The following GDPD4 variants were observed in gnomAD, a reference collection of about 807,000 sequenced individuals.
GDPD4 encodes the protein glycerophosphodiester phosphodiesterase domain containing 4.
A neutral mutation model predicts 67.8 loss-of-function variants in GDPD4; 60 were observed. That is an observed-to-expected ratio of 0.88 (90% CI 0.72 to 1.10). GDPD4 has a LOEUF of 1.10. Ranked by LOEUF, GDPD4 falls within the 50% of genes least tolerant of loss-of-function variation. The pLI is 0.00. For synonymous variants in GDPD4, 212 were observed against 210.9 expected (o/e 1.00, Z -0.04); for missense variants, 623 against 613.9 (o/e 1.01, Z -0.16).
intron 1 of GDPD4, among the ~76,000 whole-genome samples, chr11:77,289,574 A>G (rs928672735): frequency 4.0e-5 from 6 of 151,482 alleles, no homozygotes; most frequent in African/African-American, 1.5e-4. Context: ...TACTAAAAAT[A>G]TAAAAAATTA....
intron 5 of GDPD4, among the ~76,000 whole-genome samples, chr11:77,275,294 A>T (rs529364556): frequency 1.3e-5 from 2 of 152,216 alleles, no homozygotes; most frequent in Non-Finnish European, 2.9e-5. Context: ...CAAAACAAGG[A>T]TGCTATATTG....
At chr11:77,297,627 C>T (rs1480899839) in intron 1 of GDPD4, among the ~76,000 whole-genome samples, 1 of 151,876 alleles carries the variant, frequency 6.6e-6, no homozygotes, top group Non-Finnish European at 1.5e-5. Flanking sequence ...CAACTTTAGG[C>T]AAGTTATGTA....
chr11:77,226,144 CTTTTATCTAGG>C (rs985827001), intron 16 of GDPD4, among the ~76,000 whole-genome samples: 1 of 152,158 alleles, frequency 6.6e-6, no homozygotes, highest in African/African-American at 2.4e-5. Flanking sequence ...TAAGCCACCT[CTTTTATCTAGG>C]TTTATATAGT....
chr11:77,265,649 T>C (rs1366843932), intron 10 of GDPD4, among the ~76,000 whole-genome samples: 2 of 152,214 alleles, frequency 1.3e-5, no homozygotes, highest in African/African-American at 4.8e-5. Flanking sequence ...TCATTCGTTT[T>C]ACATGAACTT....
intron 1 of GDPD4, among the ~76,000 whole-genome samples, chr11:77,292,536 A>G (rs1307307978): frequency 2.0e-5 from 3 of 152,214 alleles, no homozygotes; most frequent in Non-Finnish European, 4.4e-5. Context: ...CTCAATTTCC[A>G]TCTTTAGACA....
intron 1 of GDPD4, among the ~76,000 whole-genome samples, chr11:77,294,943 C>T (rs1363886932): frequency 6.7e-6 from 1 of 149,732 alleles, no homozygotes; most frequent in Non-Finnish European, 1.5e-5. Flanking sequence ...TAAAATGAAC[C>T]TCAATCTACA....
rs1264158020 is a variant in GDPD4, at chr11:77,268,338, T to G, written c.707+119A>C. On this transcript the variant is annotated intron_variant, in intron 10 of 16. Transcript: ENST00000315938. ...GTGTAGTACATGCATATATGCCATA[T>G]GAACACAGGAACAACTCCCCAGGGC... 6 of 704,104 alleles carry G rather than the reference T, an allele frequency of 8.5e-6. No individual in the cohort carries two copies. In the Admixed American group the frequency reaches 1.3e-4, roughly 15 times the overall value. The allele number at this position is 704,104 out of a possible 1,614,324, so 43.6% of individuals were successfully genotyped here.
intron 3 of GDPD4, 69 bp from the exon 4 acceptor site, chr11:77,279,468 A>C (rs780781719): frequency 7.9e-6 from 7 of 882,776 alleles, no homozygotes; most frequent in African/African-American, 1.7e-5. Flanking sequence ...AAGGATGGGG[A>C]CAAAACCAGA....
intron 7 of GDPD4, among the ~76,000 whole-genome samples, chr11:77,270,354 T>C (rs958669619): frequency 2.0e-5 from 3 of 152,228 alleles, no homozygotes; most frequent in African/African-American, 7.2e-5. Flanking sequence ...AGGTATGACA[T>C]GGTCTCACAG....
At chr11:77,248,229 G>A (rs1048158657) in intron 11 of GDPD4, among the ~76,000 whole-genome samples, 3 of 146,978 alleles carry the variant, frequency 2.0e-5, no homozygotes, top group Non-Finnish European at 3.0e-5. Flanking sequence ...TTGAGACGGA[G>A]TCCTGTTCTG....
chr11:77,268,117 G>C (rs1437483230), intron 10 of GDPD4, among the ~76,000 whole-genome samples: 1 of 152,012 alleles, frequency 6.6e-6, no homozygotes, highest in Admixed American at 6.6e-5. Context: ...TCAGAAGAAG[G>C]CCTGGAATAC....
rs113702816 is a variant in GDPD4, at chr11:77,253,451, C to A, written c.864+4935G>T. 3.3e-3 allele frequency among the ~76,000 whole-genome samples: 508 copies of A among 152,246 alleles called. 1 individual carries two copies. The highest frequency in any genetic ancestry group is 0.011 in the African/African-American group (473 of 41,544). On this transcript the variant is annotated intron_variant, in intron 11 of 16. Coordinates refer to ENST00000315938, the MANE Select transcript of GDPD4 (RefSeq NM_182833.3). ...GGTCCTGGGGGGCAAGAAGCAGCAC[C>A]ATGTGACTCCATTCCTTAGGGATGG...
At chr11:77,283,737 T>G (rs946755009) in intron 3 of GDPD4, among the ~76,000 whole-genome samples, 1 of 151,950 alleles carries the variant, frequency 6.6e-6, no homozygotes, top group Non-Finnish European at 1.5e-5. Flanking sequence ...AACAAAAAAT[T>G]TCATCAAGAA....
In GDPD4 at chr11:77,285,146, A is replaced by G; in HGVS notation, c.-9T>C. ...CACAGGAACAGCAACATCAGAGACAAGACAAATGAAATTACCAGGCACGGC... is the reference window on the plus strand; with the variant it reads ...CACAGGAACAGCAACATCAGAGACAGGACAAATGAAATTACCAGGCACGGC... On this transcript the variant is annotated 5_prime_UTR_variant, in exon 3 of 17. Coordinates refer to ENST00000315938, the MANE Select transcript of GDPD4 (RefSeq NM_182833.3). 6.2e-7 allele frequency: 1 copy of G among 1,609,034 alleles called. No homozygotes were observed. Among genetic ancestry groups the G allele is most frequent in the Non-Finnish European group, 8.5e-7 (1 of 1,175,888 alleles).
intron 1 of GDPD4, among the ~76,000 whole-genome samples, chr11:77,300,206 C>T (rs761363176): frequency 7.9e-5 from 12 of 151,936 alleles, no homozygotes; most frequent in Non-Finnish European, 1.6e-4. Flanking sequence ...CACCCCGTCA[C>T]TCTCTCTAAA....
chr11:77,240,517 C>G (rs1341656015), intron 13 of GDPD4, among the ~76,000 whole-genome samples: 1 of 152,002 alleles, frequency 6.6e-6, no homozygotes, highest in Non-Finnish European at 1.5e-5. Flanking sequence ...AATGTAAGAC[C>G]TGAAACTAAA....
At chr11:77,221,155 G>GAATTTT (rs1176776555) in intron 16 of GDPD4, among the ~76,000 whole-genome samples, 1 of 151,804 alleles carries the variant, frequency 6.6e-6, no homozygotes, top group African/African-American at 2.4e-5. Context: ...ATTCTTGCTA[G>GAATTTT]TGGTCTATCA....
intron 10 of GDPD4, 54 bp downstream of exon 10, chr11:77,268,403 C>G: frequency 8.0e-7 from 1 of 1,242,392 alleles, no homozygotes; most frequent in Non-Finnish European, 1.2e-6. Context: ...GGTTCTCTTG[C>G]ATGGCATTGA....
At chr11:77,259,813 T>C (rs767106418) in intron 10 of GDPD4, among the ~76,000 whole-genome samples, 1 of 152,140 alleles carries the variant, frequency 6.6e-6, no homozygotes, top group Non-Finnish European at 1.5e-5. Flanking sequence ...AGTCCATAAG[T>C]GTATGGCTAA....
Sources: gnomAD v4.1 joint callset for allele counts (sites outside exome capture counted in the v4.1 genomes callset) on GRCh38, gnomAD v4.1.1 for gene constraint, MANE v1.5 for transcripts, NCBI Gene and HGNC (gene_info 2026-07-23, HGNC 2026-07-21) for gene names.